The following LVRN variants were observed in gnomAD, a reference collection of about 807,000 sequenced individuals.
LVRN encodes laeverin, also known as aminopeptidase Q.
LVRN carries 99 observed loss-of-function variants against 111.4 expected under a neutral mutation model. That is an observed-to-expected ratio of 0.89 (90% confidence interval 0.76 to 1.05). LVRN has a LOEUF of 1.05. Among genes scored for constraint, LVRN ranks in the 50% least tolerant of loss-of-function variants. LVRN has a pLI of 0.00. For missense variants in LVRN, 1,414 were observed against 1,206.8 expected, an observed-to-expected ratio of 1.17 and a Z score of -2.54; for synonymous variants, 488 against 449.5, an observed-to-expected ratio of 1.09 and a Z score of -1.08.
chr5:115,974,465 A>C (rs1195735168), intron 1 of LVRN: 1 of 152,430 alleles, frequency 6.6e-6, no homozygotes, highest in South Asian at 2.1e-4. Context: ...ATATGTTATT[A>C]AAGTTTTACG....
chr5:115,991,954 T>TGGGG (rs1748000998), intron 4 of LVRN, among the ~76,000 whole-genome samples, 169 bp from the exon 5 acceptor site: 1 of 152,204 alleles, frequency 6.6e-6, no homozygotes, highest in African/African-American at 2.4e-5. Context: ...ATAATTTATT[T>TGGGG]GCTGGCTTTT....
At chr5:115,979,023 C>T (rs1397501227) in intron 1 of LVRN, among the ~76,000 whole-genome samples, 2 of 152,086 alleles carry the variant, frequency 1.3e-5, no homozygotes, top group Non-Finnish European at 2.9e-5. Flanking sequence ...TGACTTCTTC[C>T]TCAGCCCCTA....
At chr5:116,012,546 C>A in intron 15 of LVRN, 78 bp downstream of exon 15, 2 of 876,462 alleles carry the variant, frequency 2.3e-6, no homozygotes, top group South Asian at 1.8e-5. Flanking sequence ...AAAATAAAAT[C>A]TTCATATCTG....
At chr5:115,972,417 G>T in intron 1 of LVRN, among the ~76,000 whole-genome samples, 1 of 149,262 alleles carries the variant, frequency 6.7e-6, no homozygotes. Flanking sequence ...ATTAATTTTT[G>T]CTTGTTGATC....
rs1748572734 is a variant in LVRN at position 116,015,158 on chromosome 5, A to G, written c.2451-94A>G. ...ACTTTTGACCTTTATATCTGTGACT[A>G]TAAATATTTTTTCTAGATTCATACT... On this transcript the variant is annotated intron_variant, in intron 16 of 19. Transcript: ENST00000357872. 6 of 915,466 alleles carry G rather than the reference A, an allele frequency of 6.6e-6. No individual in the cohort carries two copies. The South Asian group carries it at 2.0e-4, about 31-fold the overall frequency. 56.7% of individuals were successfully genotyped at this position (915,466 alleles called of 1,614,324 possible). A position where few individuals can be genotyped will look rare whatever the true frequency, so the allele number is the denominator to read the frequency against.
At chr5:116,015,808 T>C (rs1439330162) in intron 18 of LVRN, 43 bp downstream of exon 18, 1 of 1,602,036 alleles carries the variant, frequency 6.2e-7, no homozygotes, top group East Asian at 2.2e-5. Flanking sequence ...AGGCCACTGG[T>C]TTGGCACTGG....
chr5:115,995,373 A>C (rs10036189), intron 6 of LVRN: 39,251 of 152,072 alleles, frequency 0.26, 5,319 homozygotes, highest in Non-Finnish European at 0.28. Context: ...CGCTTTTAAC[A>C]CCCGAGTTCC....
chr5:116,014,385 A>G (rs372997243), intron 15 of LVRN, 35 bp from the exon 16 acceptor site: 29 of 1,516,696 alleles, frequency 1.9e-5, no homozygotes, highest in Non-Finnish European at 2.4e-5. Context: ...GTGGTAATGC[A>G]AAATAAACTG....
At chr5:115,967,717 T>C (rs946983956) in intron 1 of LVRN, among the ~76,000 whole-genome samples, 7 of 152,230 alleles carry the variant, frequency 4.6e-5, no homozygotes, top group Admixed American at 3.9e-4. Flanking sequence ...ATCCTTAATA[T>C]TCCATTCTAT....
chr5:115,994,749 C>T (rs1209335115), intron 6 of LVRN, among the ~76,000 whole-genome samples: 3 of 152,050 alleles, frequency 2.0e-5, no homozygotes, highest in African/African-American at 7.2e-5. Context: ...GTAGGTTTTA[C>T]TTCTGATATT....
Position 116,026,253 on chromosome 5 carries a change from C to A in LVRN, c.*135C>A. 1.5e-6 allele frequency: 2 copies of A among 1,297,194 alleles called. No homozygotes were observed. Among genetic ancestry groups the A allele is most frequent in the Non-Finnish European group, 2.1e-6 (2 of 944,332 alleles). 80.4% of individuals were successfully genotyped at this position (1,297,194 alleles called of 1,614,324 possible). A position where few individuals can be genotyped will look rare whatever the true frequency, so the allele number is the denominator to read the frequency against. On this transcript the variant is annotated 3_prime_UTR_variant, in exon 20 of 20. Coordinates refer to ENST00000357872, the MANE Select transcript of LVRN (RefSeq NM_173800.5). ...CAGTCACATTTATTACTCAGAGTGC[C>A]ATTCTTCTCATATTGTCATGTTTGG...
At chr5:116,011,004 CATATATAT>C (rs3072900) in intron 14 of LVRN, 110 bp downstream of exon 14, 407 of 280,224 alleles carry the variant, frequency 1.5e-3, no homozygotes, top group East Asian at 4.4e-3. Context: ...GTCTTAGTTC[CATATATAT>C]ATATATATAT....
intron 1 of LVRN, among the ~76,000 whole-genome samples, chr5:115,980,592 TAA>T (rs1295686770): frequency 6.6e-6 from 1 of 152,052 alleles, no homozygotes; most frequent in African/African-American, 2.4e-5. Context: ...ACCTGTAAAA[TAA>T]AAGTTTCCCA....
rs540458903 is a variant in LVRN, at chr5:115,978,698, G to C, written c.696-4589G>C. Among the ~76,000 whole-genome samples the C allele has an allele frequency of 2.0e-5, 3 of 152,224 alleles. No homozygotes were observed. In the South Asian group the frequency reaches 6.2e-4, roughly 32 times the overall value. ...TCCCTACTCTTGGGCTAGTTTTTAG[G>C]ATGGAAGCCTGCATTAAGGTACAGG... On this transcript the variant is annotated intron_variant, in intron 1 of 19. Transcript: ENST00000357872.
chr5:115,974,722 C>T (rs113687134), intron 1 of LVRN: 3,345 of 197,874 alleles, frequency 0.017, 124 homozygotes, highest in African/African-American at 0.074. Context: ...CCTGTGCACC[C>T]TATTCAGTGT....
intron 13 of LVRN, 22 bp downstream of exon 13, chr5:116,005,989 A>G (rs1468793770): frequency 1.3e-6 from 2 of 1,561,264 alleles, no homozygotes; most frequent in African/African-American, 1.4e-5. Context: ...TTCTTCTCTC[A>G]TGGTTTCAGA....
chr5:115,966,845 G>A (rs866558977), intron 1 of LVRN, among the ~76,000 whole-genome samples: 1 of 152,162 alleles, frequency 6.6e-6, no homozygotes, highest in Non-Finnish European at 1.5e-5. Flanking sequence ...GTCCTGATAG[G>A]TGTATGGTAA....
chr5:115,990,240 C>T (rs186689998), intron 4 of LVRN, among the ~76,000 whole-genome samples: 43 of 152,076 alleles, frequency 2.8e-4, no homozygotes, highest in African/African-American at 7.5e-4. Flanking sequence ...TATTATTGTG[C>T]CAATTGACAC....
At chr5:116,005,768 GTAA>G (rs1748354711) in intron 12 of LVRN, 141 bp from the exon 13 acceptor site, 1 of 714,332 alleles carries the variant, frequency 1.4e-6, no homozygotes. Context: ...ACTGTCCTCA[GTAA>G]TTGTTGTTTC....
Sources: gnomAD v4.1 joint callset for allele counts (sites outside exome capture counted in the v4.1 genomes callset) on GRCh38, gnomAD v4.1.1 for gene constraint, MANE v1.5 for transcripts, NCBI Gene and HGNC (gene_info 2026-07-23, HGNC 2026-07-21) for gene names.